The following CNTNAP2 variants were observed in gnomAD, a reference collection of about 807,000 sequenced individuals.
CNTNAP2 encodes the protein contactin-associated protein-like 2.
CNTNAP2 carries 98 observed loss-of-function variants against 155.2 expected under a neutral mutation model. The ratio of observed to expected loss-of-function variants is 0.63; its 90% confidence interval spans 0.54 to 0.75. CNTNAP2 has a LOEUF of 0.75. CNTNAP2 is among the 30% of genes least tolerant of loss of function. The pLI, the probability that CNTNAP2 is intolerant of heterozygous loss-of-function variation, is 0.00. For missense variants in CNTNAP2, 1,727 were observed against 1,688.1 expected (o/e 1.02, Z -0.40); for synonymous variants, 651 against 631.2 (o/e 1.03, Z -0.47).
chr7:147,633,325 C>T lies in CNTNAP2; in HGVS notation c.1898-5781C>T, dbSNP rs555015162. The stretch of plus-strand genomic sequence containing the variant: ...AGATTTCAGAGGATGTATGGAAATG[C>T]CTGGATGTCTAAACAGAAGTTTGCT... On this transcript the variant is annotated intron_variant, in intron 12 of 23. Transcript: ENST00000361727. Among the ~76,000 whole-genome samples, 21 of 152,262 alleles carry T rather than the reference C, an allele frequency of 1.4e-4. No individual in the cohort carries two copies. In the South Asian group the frequency reaches 4.4e-3, roughly 32 times the overall value.
chr7:148,247,625 C>CTATGTATT (rs1554407428), intron 20 of CNTNAP2, among the ~76,000 whole-genome samples: 1 of 105,314 alleles, frequency 9.5e-6, no homozygotes, highest in Non-Finnish European at 1.8e-5. Flanking sequence ...CTCTCTCTCT[C>CTATGTATT]TATTTATTTA....
At chr7:148,014,558 C>T (rs1802141918) in intron 15 of CNTNAP2, among the ~76,000 whole-genome samples, 1 of 152,126 alleles carries the variant, frequency 6.6e-6, no homozygotes, top group Non-Finnish European at 1.5e-5. Context: ...CTGCTTTAGC[C>T]AAGAATGATA....
intron 1 of CNTNAP2, among the ~76,000 whole-genome samples, chr7:146,692,287 A>G (rs1299061096): frequency 6.6e-6 from 1 of 152,084 alleles, no homozygotes. Context: ...ATGCCGTTTG[A>G]TGTTGTATTT....
chr7:147,215,212 C>G (rs1054780489), intron 8 of CNTNAP2, among the ~76,000 whole-genome samples: 3 of 152,224 alleles, frequency 2.0e-5, no homozygotes, highest in African/African-American at 7.2e-5. Flanking sequence ...GATTATCACC[C>G]AAAGTCCATA....
rs1344216558 is a variant in CNTNAP2 at position 147,772,461 on chromosome 7, TATATATATATATATATATATATAC to T, written c.2099-131102_2099-131079del. Among the ~76,000 whole-genome samples, 30 of 117,194 alleles carry T rather than the reference TATATATATATATATATATATATAC, an allele frequency of 2.6e-4. 1 individual carries two copies. Among genetic ancestry groups the T allele is most frequent in the African/African-American group, 9.7e-4 (28 of 28,920 alleles). 76.9% of individuals were successfully genotyped at this position (117,194 alleles called of 152,430 possible). A position where few individuals can be genotyped will look rare whatever the true frequency, so the allele number is the denominator to read the frequency against. ...CTCTCTCTCGCTATATATATATATA[TATATATATATATATATATATATAC>T]ACACACAAAAAAAAAACCACAAAAG... On this transcript the variant is annotated intron_variant, in intron 13 of 23. Transcript: ENST00000361727.
intron 3 of CNTNAP2, among the ~76,000 whole-genome samples, chr7:146,895,983 T>A (rs796467011): frequency 3.3e-5 from 5 of 152,234 alleles, no homozygotes; most frequent in African/African-American, 1.2e-4. Flanking sequence ...ACACCATACT[T>A]AAGAAGTCAA....
chr7:146,132,493 C>T (rs1797730064), intron 1 of CNTNAP2, among the ~76,000 whole-genome samples: 1 of 151,522 alleles, frequency 6.6e-6, no homozygotes, highest in Admixed American at 6.6e-5. Context: ...TATACATGTG[C>T]CATGCTGGTG....
At chr7:146,916,709 C>CT (rs1263478188) in intron 3 of CNTNAP2, among the ~76,000 whole-genome samples, 3 of 151,942 alleles carry the variant, frequency 2.0e-5, no homozygotes, top group African/African-American at 7.2e-5. Flanking sequence ...CTTTTCTCTT[C>CT]TTTTTTTGGT....
intron 8 of CNTNAP2, among the ~76,000 whole-genome samples, chr7:147,199,628 A>G (rs1021304461): frequency 6.7e-6 from 1 of 149,920 alleles, no homozygotes; most frequent in African/African-American, 2.5e-5. Flanking sequence ...GTCTTTTTGT[A>G]GGGCTTGTTG....
In CNTNAP2 at chr7:146,650,807, A is replaced by T. The variant is rs533227933; in HGVS notation, c.98-123464A>T. On this transcript the variant is annotated intron_variant, in intron 1 of 23. Coordinates refer to ENST00000361727, the MANE Select transcript of CNTNAP2 (RefSeq NM_014141.6). ...AATGATATAGTGCTAATAATCAGAT[A>T]TACAGAATTGTAGCTTTACAAAGTA... 3.9e-5 allele frequency among the ~76,000 whole-genome samples: 6 copies of T among 152,308 alleles called. No individual in the cohort carries two copies. The South Asian group carries it at 1.2e-3, about 32-fold the overall frequency.
At chr7:146,389,677 TTTTTTTC>T (rs1407012432) in intron 1 of CNTNAP2, among the ~76,000 whole-genome samples, 55 of 151,128 alleles carry the variant, frequency 3.6e-4, no homozygotes, top group African/African-American at 1.3e-3. Flanking sequence ...GCCATATTTC[TTTTTTTC>T]TTTTTTCTTT....
intron 1 of CNTNAP2, among the ~76,000 whole-genome samples, chr7:146,743,977 A>G (rs1206330162): frequency 6.6e-6 from 1 of 152,144 alleles, no homozygotes; most frequent in Non-Finnish European, 1.5e-5. Context: ...AATGGCTCCC[A>G]GCACTTTGGG....
At chr7:147,518,530 C>T (rs1018473592) in intron 11 of CNTNAP2, among the ~76,000 whole-genome samples, 1 of 152,142 alleles carries the variant, frequency 6.6e-6, no homozygotes, top group African/African-American at 2.4e-5. Context: ...TGTCAAAGGC[C>T]AGTGTTTTTC....
At chr7:147,029,375 G>C (rs1346176981) in intron 3 of CNTNAP2, among the ~76,000 whole-genome samples, 1 of 152,124 alleles carries the variant, frequency 6.6e-6, no homozygotes, top group Non-Finnish European at 1.5e-5. Context: ...ATTATCATCA[G>C]TGATTTTTCT....
At chr7:146,170,396 C>A (rs770435414) in intron 1 of CNTNAP2, among the ~76,000 whole-genome samples, 1 of 152,030 alleles carries the variant, frequency 6.6e-6, no homozygotes, top group African/African-American at 2.4e-5. Flanking sequence ...ACATTCCAAC[C>A]GAAGGGCACA....
Position 148,010,655 on chromosome 7 carries a change from A to G in CNTNAP2, c.2383+32666A>G, listed in dbSNP as rs573706932. On this transcript the variant is annotated intron_variant, in intron 15 of 23. Coordinates refer to ENST00000361727, the MANE Select transcript of CNTNAP2 (RefSeq NM_014141.6). ...AACTGTAAAGCCACCTCTGTCATACATCAAGGTTTTTTTTTTTTTATTAGA... is the reference window on the plus strand; with the variant it reads ...AACTGTAAAGCCACCTCTGTCATACGTCAAGGTTTTTTTTTTTTTATTAGA... Among the ~76,000 whole-genome samples the G allele has an allele frequency of 1.6e-3, 141 of 88,628 alleles. 1 individual carries two copies. Among genetic ancestry groups the G allele is most frequent in the African/African-American group, 7.0e-3 (138 of 19,686 alleles). 58.1% of individuals were successfully genotyped at this position (88,628 alleles called of 152,430 possible). A position where few individuals can be genotyped will look rare whatever the true frequency, so the allele number is the denominator to read the frequency against.
intron 8 of CNTNAP2, among the ~76,000 whole-genome samples, chr7:147,231,388 A>G (rs1457802540): frequency 6.6e-6 from 1 of 152,224 alleles, no homozygotes; most frequent in Non-Finnish European, 1.5e-5. Flanking sequence ...TAATGTGGCA[A>G]TAGACATGGG....
chr7:146,315,865 G>A (rs1800897076), intron 1 of CNTNAP2, among the ~76,000 whole-genome samples: 2 of 152,232 alleles, frequency 1.3e-5, no homozygotes, highest in African/African-American at 4.8e-5. Context: ...AAATGGGCCA[G>A]ACAGACATTC....
intron 11 of CNTNAP2, among the ~76,000 whole-genome samples, chr7:147,500,367 T>A (rs2116666675): frequency 6.6e-6 from 1 of 152,212 alleles, no homozygotes; most frequent in Admixed American, 6.5e-5. Context: ...ACATTGACAG[T>A]TCTTATACTA....
Sources: allele counts gnomAD v4.1 joint callset (sites outside exome capture counted in the v4.1 genomes callset), GRCh38; gene constraint gnomAD v4.1.1; transcripts MANE v1.5; gene names NCBI Gene and HGNC (gene_info 2026-07-23, HGNC 2026-07-21).